Variants in MROH2B observed in about 807,000 individuals in gnomAD.
The protein encoded by MROH2B is maestro heat-like repeat-containing protein family member 2B.
MROH2B carries 177 observed loss-of-function variants against 208.6 expected under a neutral mutation model. The ratio of observed to expected loss-of-function variants is 0.85; its 90% CI spans 0.75 to 0.96. The LOEUF (loss-of-function observed/expected upper bound fraction) is 0.96. MROH2B is among the 40% of genes least tolerant of loss of function. The pLI is 0.00. For synonymous variants in MROH2B, 728 were observed against 659.0 expected (o/e 1.10, Z -1.60); for missense variants, 2,002 against 1,878.7 (o/e 1.07, Z -1.21).
rs576908835 is a variant in MROH2B, at chr5:41,070,968, C to T, written c.-116G>A. On this transcript the variant is annotated 5_prime_UTR_variant, in exon 1 of 42. Coordinates refer to ENST00000399564, the MANE Select transcript of MROH2B (RefSeq NM_173489.5). ...TCATATAAGGTTCACATAAGCCTCT[C>T]TAAATGAAAGTGCCTCCTCCACTTG... The T allele has an allele frequency of 2.1e-4, 222 of 1,042,528 alleles. No homozygotes were observed. Among genetic ancestry groups the T allele is most frequent in the Admixed American group, 7.8e-4 (36 of 46,050 alleles). 64.6% of individuals were successfully genotyped at this position (1,042,528 alleles called of 1,614,324 possible).
intron 16 of MROH2B, 36 bp downstream of exon 16, chr5:41,048,288 C>G: frequency 3.8e-6 from 6 of 1,563,332 alleles, no homozygotes; most frequent in Middle Eastern, 1.7e-4. Context: ...TATGTTCTTG[C>G]CCCCTGGGTA....
chr5:41,036,593 C>T (rs528448406), intron 21 of MROH2B, among the ~76,000 whole-genome samples: 1 of 152,158 alleles, frequency 6.6e-6, no homozygotes, highest in East Asian at 1.9e-4. Flanking sequence ...GGACATAATA[C>T]TAAGAATTAA....
At chr5:41,019,334 G>A (rs970809530) in intron 24 of MROH2B, among the ~76,000 whole-genome samples, 3 of 54,096 alleles carry the variant, frequency 5.5e-5, no homozygotes, top group Non-Finnish European at 1.2e-4. Context: ...TCCATCTTGT[G>A]TGTGTGTGTG....
chr5:41,016,440 T>G (rs952289166), intron 28 of MROH2B, among the ~76,000 whole-genome samples: 2 of 149,244 alleles, frequency 1.3e-5, no homozygotes, highest in African/African-American at 4.9e-5. Flanking sequence ...AATAATAGAA[T>G]CCAAATTCCT....
chr5:41,065,206 G>A, intron 4 of MROH2B, 125 bp downstream of exon 4: 1 of 973,176 alleles, frequency 1.0e-6, no homozygotes, highest in Non-Finnish European at 1.5e-6. Context: ...ACATCCCTCT[G>A]TCAATATTTC....
intron 5 of MROH2B, among the ~76,000 whole-genome samples, chr5:41,062,912 A>G (rs1281106389): frequency 6.7e-6 from 1 of 149,838 alleles, no homozygotes; most frequent in African/African-American, 2.5e-5. Context: ...GAAGTAAGGG[A>G]TGATGTCTTG....
chr5:40,998,061 A>T lies in MROH2B; in HGVS notation c.4749T>A (p.Ile1583=), dbSNP rs1741261885. 1 of 1,608,722 alleles carries T rather than the reference A, an allele frequency of 6.2e-7. No individual in the cohort carries two copies. ...TTTATTTCTTGATGGCTTACAGAGG[A>T]ATGCTTGTCTCTTTACACCTTCTCA... ...TLLRRCKETS[I]PL Residue 1583 remains isoleucine, a synonymous_variant, in exon 42 of 42, where the codon ATT becomes ATA. Transcript: ENST00000399564.
chr5:40,999,639 CA>C (rs746910786), intron 40 of MROH2B, 37 bp downstream of exon 40: 1 of 1,551,732 alleles, frequency 6.4e-7, no homozygotes, highest in South Asian at 1.2e-5. Flanking sequence ...GTGGAAAAAG[CA>C]GACATATCTG....
intron 38 of MROH2B, 141 bp from the exon 39 acceptor site, chr5:41,000,492 C>A (rs1741361984): frequency 1.5e-6 from 2 of 1,345,542 alleles, no homozygotes; most frequent in East Asian, 2.5e-5. Flanking sequence ...GGCACCTTCC[C>A]AGTTTCAAGG....
intron 30 of MROH2B, among the ~76,000 whole-genome samples, chr5:41,010,866 G>A (rs147444668): frequency 1.4e-4 from 22 of 152,182 alleles, no homozygotes; most frequent in Non-Finnish European, 2.1e-4. Flanking sequence ...GAGGCTGTGC[G>A]TATGTGAGGG....
intron 24 of MROH2B, among the ~76,000 whole-genome samples, chr5:41,026,744 A>G (rs1350640930): frequency 6.6e-6 from 1 of 152,232 alleles, no homozygotes; most frequent in African/African-American, 2.4e-5. Context: ...ATCCTAAGCC[A>G]AAAGAACAAA....
At chr5:41,033,353 C>G (rs1008300935) in intron 22 of MROH2B, among the ~76,000 whole-genome samples, 193 bp from the exon 23 acceptor site, 22 of 152,066 alleles carry the variant, frequency 1.4e-4, no homozygotes, top group African/African-American at 5.3e-4. Context: ...CTCCCTACCA[C>G]CCACAATAGA....
intron 30 of MROH2B, 141 bp downstream of exon 30, chr5:41,012,442 C>T (rs776358102): frequency 2.8e-5 from 21 of 747,500 alleles, no homozygotes; most frequent in Middle Eastern, 3.6e-4. Flanking sequence ...AAACACACAA[C>T]GTAGGTCTCT....
rs187879787 is a variant in MROH2B at position 41,014,475 on chromosome 5, T to C, written c.2982+906A>G. Among the ~76,000 whole-genome samples the C allele has an allele frequency of 5.2e-4, 79 of 152,198 alleles. 1 individual carries two copies. The East Asian group carries it at 0.011, about 22-fold the overall frequency. ...TGCGGAGGGATAGCATTAGGAGATA[T>C]ACCTAATGTTAAATGATGAGTTAAT... On this transcript the variant is annotated intron_variant, in intron 29 of 41. Transcript: ENST00000399564.
At chr5:41,048,634 A>T (rs1743195708) in intron 15 of MROH2B, among the ~76,000 whole-genome samples, 169 bp from the exon 16 acceptor site, 1 of 152,242 alleles carries the variant, frequency 6.6e-6, no homozygotes, top group Admixed American at 6.5e-5. Context: ...TAATACTTAG[A>T]TAGCCCTTCT....
intron 10 of MROH2B, among the ~76,000 whole-genome samples, 194 bp downstream of exon 10, chr5:41,055,548 C>T (rs957636648): frequency 4.0e-5 from 6 of 149,450 alleles, no homozygotes; most frequent in African/African-American, 7.4e-5. Context: ...ATAAATGTTA[C>T]GAAAGAAGAG....
At chr5:41,064,843 A>C (rs1323692417) in intron 4 of MROH2B, among the ~76,000 whole-genome samples, 1 of 152,174 alleles carries the variant, frequency 6.6e-6, no homozygotes, top group African/African-American at 2.4e-5. Flanking sequence ...GAAGGCAGCT[A>C]TGCTCACCAC....
chr5:41,053,649 A>G (rs549817109), intron 11 of MROH2B, among the ~76,000 whole-genome samples: 3 of 152,196 alleles, frequency 2.0e-5, no homozygotes, highest in East Asian at 3.9e-4. Flanking sequence ...GAAGAGGTAC[A>G]CCTTTTCTCT....
intron 18 of MROH2B, among the ~76,000 whole-genome samples, chr5:41,043,907 T>C (rs1302276794): frequency 2.6e-5 from 4 of 151,944 alleles, no homozygotes; most frequent in Non-Finnish European, 4.4e-5. Flanking sequence ...TGCTAGAGTA[T>C]GAGAGAACAA....
Sources: allele counts gnomAD v4.1 joint callset (sites outside exome capture counted in the v4.1 genomes callset), GRCh38; gene constraint gnomAD v4.1.1; transcripts MANE v1.5; gene names NCBI Gene and HGNC (gene_info 2026-07-23, HGNC 2026-07-21).